Variants in ADGB observed in about 807,000 individuals in gnomAD.
ADGB encodes androglobin, also known as calpain-7-like protein.
A neutral mutation model predicts 210.5 loss-of-function variants in ADGB; 172 were observed. That is an observed-to-expected ratio of 0.82 (90% CI 0.72 to 0.93). ADGB has a LOEUF of 0.93. Ranked by LOEUF, ADGB falls within the 40% of genes least tolerant of loss-of-function variation. The pLI is 0.00. For missense variants in ADGB, 2,025 were observed against 1,964.8 expected (o/e 1.03, Z -0.58); for synonymous variants, 658 against 662.7 (o/e 0.99, Z 0.11).
Position 146,764,901 on chromosome 6 carries a change from G to T in ADGB, c.3750+801G>T, listed in dbSNP as rs144168303. 6.5e-3 allele frequency among the ~76,000 whole-genome samples: 983 copies of T among 152,216 alleles called. 7 individuals are homozygous for T. The highest frequency in any genetic ancestry group is 0.022 in the African/African-American group (927 of 41,542). On this transcript the variant is annotated intron_variant, in intron 28 of 35. Transcript: ENST00000397944. Reference sequence around the variant, plus strand: ...TGCAACCTCTGCCTCCTGGGTTCAAGCGATTCTCCTGCCTCAGCCTCCTGA... The same window carrying T: ...TGCAACCTCTGCCTCCTGGGTTCAATCGATTCTCCTGCCTCAGCCTCCTGA...
rs1406489596 is a variant in ADGB, at chr6:146,644,764, T to G, written c.238-9T>G. 3 of 1,410,136 alleles carry G rather than the reference T, an allele frequency of 2.1e-6. No individual in the cohort carries two copies. In the African/African-American group the frequency reaches 4.4e-5, roughly 21 times the overall value. The allele number at this position is 1,410,136 out of a possible 1,614,324, so 87.4% of individuals were successfully genotyped here. ...ATATGCAGAAAAAACTCAATTTATT[T>G]TTATATAGCATTTTTTTGAGGACCC... On this transcript the variant is annotated splice_polypyrimidine_tract_variant and intron_variant, in intron 2 of 35. Coordinates refer to ENST00000397944, the MANE Select transcript of ADGB (RefSeq NM_024694.4).
At chr6:146,704,259 G>A (rs1776535477) in intron 13 of ADGB, among the ~76,000 whole-genome samples, 1 of 150,816 alleles carries the variant, frequency 6.6e-6, no homozygotes, top group African/African-American at 2.4e-5. Flanking sequence ...TCTATAGATT[G>A]TCTCCTTATA....
At chr6:146,683,274 A>T (rs779177917) in intron 9 of ADGB, among the ~76,000 whole-genome samples, 6 of 152,102 alleles carry the variant, frequency 3.9e-5, no homozygotes, top group Non-Finnish European at 5.9e-5. Flanking sequence ...GTTAGTGTGC[A>T]CACAGATCTG....
In ADGB at chr6:146,666,864, T is replaced by G; in HGVS notation, c.801T>G (p.His267Gln). 6.5e-7 allele frequency: 1 copy of G among 1,547,864 alleles called. No homozygotes were observed. Among genetic ancestry groups the G allele is most frequent in the Non-Finnish European group, 8.7e-7 (1 of 1,143,980 alleles). The change falls in exon 7 of 36, where the codon CAT becomes CAG. Residue 267 changes from histidine (H) to glutamine (Q), a missense_variant. His to Gln is a conservative substitution (Grantham distance 24). Transcript: ENST00000397944. ...RRELGEFTVIHALTGWLPEVI... is the reference protein window; with the variant it reads ...RRELGEFTVIQALTGWLPEVI... ...AGCTGGGGGAGTTCACGGTTATTCATGCGCTCACAGGATGGTTACCAGAAG... is the reference window on the plus strand; with the variant it reads ...AGCTGGGGGAGTTCACGGTTATTCAGGCGCTCACAGGATGGTTACCAGAAG...
intron 3 of ADGB, among the ~76,000 whole-genome samples, chr6:146,645,743 T>TA (rs1265398599): frequency 6.6e-6 from 1 of 151,996 alleles, no homozygotes; most frequent in Non-Finnish European, 1.5e-5. Flanking sequence ...CAAGTACTCT[T>TA]ACTAGTTGAG....
intron 1 of ADGB, among the ~76,000 whole-genome samples, chr6:146,625,146 TCAA>T (rs1443125173): frequency 6.6e-6 from 1 of 152,068 alleles, no homozygotes; most frequent in Non-Finnish European, 1.5e-5. Context: ...GCTTATTCTA[TCAA>T]CTATTAAGAA....
chr6:146,735,365 A>G (rs2114590465), intron 22 of ADGB, among the ~76,000 whole-genome samples: 1 of 152,256 alleles, frequency 6.6e-6, no homozygotes, highest in East Asian at 1.9e-4. Flanking sequence ...CCCATGAGGA[A>G]GGTGGCAGGG....
chr6:146,721,381 C>T lies in ADGB; in HGVS notation c.1993-22C>T, dbSNP rs894131837. On this transcript the variant is annotated intron_variant, in intron 16 of 35. Coordinates refer to ENST00000397944, the MANE Select transcript of ADGB (RefSeq NM_024694.4). ...ATTGATGAACTGATATTAAGTATGA[C>T]AACTGGTCTAATTTCTTGCAGTTCT... 1.9e-5 allele frequency: 26 copies of T among 1,386,900 alleles called. No homozygotes were observed. The African/African-American group carries it at 3.7e-4, about 20-fold the overall frequency. 85.9% of individuals were successfully genotyped at this position (1,386,900 alleles called of 1,614,324 possible).
intron 31 of ADGB, 99 bp downstream of exon 31, chr6:146,784,893 T>C (rs1194568602): frequency 4.2e-6 from 5 of 1,190,536 alleles, no homozygotes; most frequent in Non-Finnish European, 5.7e-6. Context: ...GCCTGTCCTT[T>C]AGTAATGGTA....
At chr6:146,729,632 T>TG (rs969705523) in intron 20 of ADGB, among the ~76,000 whole-genome samples, 3 of 152,032 alleles carry the variant, frequency 2.0e-5, no homozygotes, top group Non-Finnish European at 4.4e-5. Flanking sequence ...ATTGAAGAGA[T>TG]GGGGTCTCAC....
intron 1 of ADGB, among the ~76,000 whole-genome samples, chr6:146,599,599 G>T (rs958978223): frequency 6.6e-6 from 1 of 152,180 alleles, no homozygotes. Context: ...ATAGTCAGAC[G>T]TAAAGTGGCT....
intron 7 of ADGB, among the ~76,000 whole-genome samples, chr6:146,671,753 C>G (rs1776011062): frequency 1.3e-5 from 2 of 152,038 alleles, no homozygotes. Flanking sequence ...ATTTCTATGA[C>G]AACAGAAAGA....
intron 7 of ADGB, among the ~76,000 whole-genome samples, chr6:146,669,239 G>A (rs889376787): frequency 1.2e-4 from 18 of 152,206 alleles, no homozygotes; most frequent in African/African-American, 4.1e-4. Flanking sequence ...GCTGGGTAGT[G>A]GAGATCCAGG....
chr6:146,717,683 C>A, intron 16 of ADGB, 84 bp downstream of exon 16: 1 of 652,488 alleles, frequency 1.5e-6, no homozygotes, highest in Non-Finnish European at 2.5e-6. Context: ...TTTCTCAAAA[C>A]ATTTCTAAAC....
At chr6:146,768,688 C>T (rs1233701972) in intron 28 of ADGB, among the ~76,000 whole-genome samples, 1 of 151,982 alleles carries the variant, frequency 6.6e-6, no homozygotes, top group Non-Finnish European at 1.5e-5. Context: ...AGAGAAAACC[C>T]TAAAGGCCAA....
intron 25 of ADGB, among the ~76,000 whole-genome samples, chr6:146,743,393 G>A (rs998383791): frequency 6.6e-6 from 1 of 152,138 alleles, no homozygotes; most frequent in African/African-American, 2.4e-5. Context: ...CTTGGGTTGG[G>A]ATGGGTTTGG....
chr6:146,762,935 T>C (rs1777516470), intron 27 of ADGB, among the ~76,000 whole-genome samples: 1 of 152,200 alleles, frequency 6.6e-6, no homozygotes, highest in Non-Finnish European at 1.5e-5. Flanking sequence ...TTTGCACAAA[T>C]GAAGTTTAGA....
At chr6:146,601,564 T>C (rs576471964) in intron 1 of ADGB, among the ~76,000 whole-genome samples, 1 of 152,232 alleles carries the variant, frequency 6.6e-6, no homozygotes, top group African/African-American at 2.4e-5. Flanking sequence ...GGCTCTAGTA[T>C]GATTGTTATT....
In ADGB at chr6:146,615,885, T is replaced by G. The variant is rs151276657; in HGVS notation, c.74+16771T>G. On this transcript the variant is annotated intron_variant, in intron 1 of 35. Coordinates refer to ENST00000397944, the MANE Select transcript of ADGB (RefSeq NM_024694.4). The stretch of plus-strand genomic sequence containing the variant: ...GCTGTAATAAATATGGAAGTGCATA[T>G]ATCTTTTTGATATACTGACTTCATT... 2.6e-3 allele frequency among the ~76,000 whole-genome samples: 395 copies of G among 152,346 alleles called. 4 individuals carry two copies. Among genetic ancestry groups the G allele is most frequent in the African/African-American group, 9.1e-3 (377 of 41,588 alleles).
Sources: gnomAD v4.1 joint callset for allele counts (sites outside exome capture counted in the v4.1 genomes callset) on GRCh38, gnomAD v4.1.1 for gene constraint, MANE v1.5 for transcripts, NCBI Gene and HGNC (gene_info 2026-07-23, HGNC 2026-07-21) for gene names.